The following SYNPR variants were observed in gnomAD, a reference collection of about 807,000 sequenced individuals.
SYNPR encodes the protein synaptoporin.
A neutral mutation model predicts 32.9 loss-of-function variants in SYNPR; 23 were observed. That is an observed-to-expected ratio of 0.70 (90% CI 0.50 to 0.99). The LOEUF (loss-of-function observed/expected upper bound fraction) is 0.99, where lower values mean the gene tolerates loss of function less well. Ranked by LOEUF, SYNPR falls within the 50% of genes least tolerant of loss-of-function variation. The pLI is 0.00. For synonymous variants in SYNPR, 146 were observed against 135.9 expected, an observed-to-expected ratio of 1.07 and a Z score of -0.52; for missense variants, 318 against 349.3, an observed-to-expected ratio of 0.91 and a Z score of 0.71.
intron 2 of SYNPR, among the ~76,000 whole-genome samples, chr3:63,395,239 C>G (rs563825350): frequency 2.6e-5 from 4 of 152,252 alleles, no homozygotes; most frequent in African/African-American, 9.6e-5. Context: ...AATAATATTA[C>G]CAAATGCAAT....
upstream of SYNPR, among the ~76,000 whole-genome samples, chr3:63,225,480 C>T (rs1266606463): frequency 2.0e-5 from 3 of 152,116 alleles, no homozygotes; most frequent in Admixed American, 6.5e-5. Flanking sequence ...CTCTTGAAAG[C>T]TAAAGTCCCT....
At chr3:63,525,858 T>C (rs898866366) in intron 3 of SYNPR, among the ~76,000 whole-genome samples, 1 of 152,020 alleles carries the variant, frequency 6.6e-6, no homozygotes. Context: ...CTGGGTGACT[T>C]AGGAAAGAAA....
chr3:63,388,428 C>A (rs921470203), intron 2 of SYNPR, among the ~76,000 whole-genome samples: 1 of 140,956 alleles, frequency 7.1e-6, no homozygotes, highest in South Asian at 2.4e-4. Context: ...CACTATGTCA[C>A]CCAGGCTGGA....
At chr3:63,515,156 GC>G (rs1007335225) in intron 3 of SYNPR, among the ~76,000 whole-genome samples, 3 of 151,664 alleles carry the variant, frequency 2.0e-5, no homozygotes, top group Non-Finnish European at 2.9e-5. Flanking sequence ...TATTATTTCT[GC>G]CCCCCCATCT....
At chr3:63,228,779 C>T (rs1185658285) in intron 1 of SYNPR, among the ~76,000 whole-genome samples, 2 of 151,716 alleles carry the variant, frequency 1.3e-5, no homozygotes, top group Non-Finnish European at 2.9e-5. Flanking sequence ...TAGAATTAAC[C>T]ATCTGGCACC....
chr3:63,593,660 C>T (rs557500317), intron 4 of SYNPR, among the ~76,000 whole-genome samples: 2 of 152,100 alleles, frequency 1.3e-5, no homozygotes, highest in South Asian at 2.1e-4. Context: ...GCAATGAAAC[C>T]CTACATTAAT....
chr3:63,497,886 A>G (rs1038131053), intron 3 of SYNPR, among the ~76,000 whole-genome samples: 1 of 152,178 alleles, frequency 6.6e-6, no homozygotes, highest in Non-Finnish European at 1.5e-5. Context: ...GTGTTTCTGT[A>G]GTTTTAAAAA....
the SYNPR span, among the ~76,000 whole-genome samples, chr3:63,210,156 T>C: frequency 6.6e-6 from 1 of 152,240 alleles, no homozygotes; most frequent in African/African-American, 2.4e-5. Context: ...CAATTCACTA[T>C]ATAGCTCTAA....
rs2087138633 is a variant in SYNPR, at chr3:63,324,058, C to A, written c.84+45316C>A. On this transcript the variant is annotated intron_variant, in intron 2 of 5. Transcript: ENST00000478300. ...ATAAGCATGGCAGCTGGAATATTGGCCAATAATGAAAAATGATGCTGAAAA... is the reference window on the plus strand; with the variant it reads ...ATAAGCATGGCAGCTGGAATATTGGACAATAATGAAAAATGATGCTGAAAA... 2.0e-5 allele frequency among the ~76,000 whole-genome samples: 3 copies of A among 151,976 alleles called. No homozygotes were observed. The South Asian group carries it at 6.2e-4, about 32-fold the overall frequency.
intron 3 of SYNPR, among the ~76,000 whole-genome samples, chr3:63,504,694 A>G (rs1329424030): frequency 6.6e-6 from 1 of 152,194 alleles, no homozygotes; most frequent in East Asian, 1.9e-4. Context: ...TCTATGCTTG[A>G]AAAAAGGCAG....
At chr3:63,323,472 G>A (rs1046620135) in intron 2 of SYNPR, among the ~76,000 whole-genome samples, 1 of 152,064 alleles carries the variant, frequency 6.6e-6, no homozygotes, top group Non-Finnish European at 1.5e-5. Flanking sequence ...TCATTACTTA[G>A]TTGATAAGAT....
chr3:63,336,399 C>A (rs535771705), intron 2 of SYNPR, among the ~76,000 whole-genome samples: 2 of 151,270 alleles, frequency 1.3e-5, no homozygotes, highest in Admixed American at 6.6e-5. Flanking sequence ...TTTGTAGTTA[C>A]AAACGTGCAC....
intron 3 of SYNPR, among the ~76,000 whole-genome samples, chr3:63,548,944 C>G (rs543345549): frequency 6.6e-6 from 1 of 152,270 alleles, no homozygotes; most frequent in African/African-American, 2.4e-5. Context: ...TTTCAAAGGT[C>G]TTATTATCAG....
intron 2 of SYNPR, among the ~76,000 whole-genome samples, chr3:63,397,543 C>G (rs2088232057): frequency 6.6e-6 from 1 of 152,190 alleles, no homozygotes; most frequent in African/African-American, 2.4e-5. Context: ...ACTCCTGGAC[C>G]CAGAGAATGA....
intron 1 of SYNPR, among the ~76,000 whole-genome samples, chr3:63,249,883 C>T (rs1367537208): frequency 1.4e-4 from 21 of 151,912 alleles, no homozygotes; most frequent in Admixed American, 1.4e-3. Flanking sequence ...CAGCAGAATG[C>T]AAATAACACA....
intron 3 of SYNPR, among the ~76,000 whole-genome samples, chr3:63,487,496 A>G (rs950948708): frequency 6.6e-6 from 1 of 152,216 alleles, no homozygotes; most frequent in Non-Finnish European, 1.5e-5. Flanking sequence ...AAAATCAACT[A>G]GAGTGCTAGA....
At chr3:63,328,930 A>G (rs2087195163) in intron 2 of SYNPR, among the ~76,000 whole-genome samples, 1 of 152,176 alleles carries the variant, frequency 6.6e-6, no homozygotes, top group Admixed American at 6.5e-5. Flanking sequence ...AAAGCTGTAC[A>G]CTAGTCATCG....
At chr3:63,313,862 TATATATATATCCATATATATATCC>T (rs1353328162) in intron 2 of SYNPR, among the ~76,000 whole-genome samples, 1 of 41,060 alleles carries the variant, frequency 2.4e-5, no homozygotes, top group African/African-American at 1.7e-4. Context: ...TATATATCCA[TATATATATATCCATATATATATCC>T]ATATATATAT....
At chr3:63,257,634 T>C (rs200823082) in intron 2 of SYNPR, among the ~76,000 whole-genome samples, 11,758 of 152,040 alleles carry the variant, frequency 0.077, 1,302 homozygotes, top group African/African-American at 0.25. Flanking sequence ...GTAAAGACCA[T>C]TGAGGCTAGG....
Sources: gnomAD v4.1 joint callset for allele counts (sites outside exome capture counted in the v4.1 genomes callset) on GRCh38, gnomAD v4.1.1 for gene constraint, MANE v1.5 for transcripts, NCBI Gene and HGNC (gene_info 2026-07-23, HGNC 2026-07-21) for gene names.